The following MYO1E variants were observed in gnomAD, a reference collection of about 807,000 sequenced individuals.
The protein encoded by MYO1E is unconventional myosin-Ie.
MYO1E carries 68 observed loss-of-function variants against 151.1 expected under a neutral mutation model. The ratio of observed to expected loss-of-function variants is 0.45; its 90% confidence interval spans 0.37 to 0.55. The LOEUF is 0.55. Among genes scored for constraint, MYO1E ranks in the 20% least tolerant of loss-of-function variants. MYO1E has a pLI of 0.00. For missense variants in MYO1E, 1,363 were observed against 1,389.3 expected (o/e 0.98, Z 0.30); for synonymous variants, 601 against 501.7 (o/e 1.20, Z -2.64).
chr15:59,262,776 G>C (rs1596389998), intron 2 of MYO1E, among the ~76,000 whole-genome samples: 1 of 152,144 alleles, frequency 6.6e-6, no homozygotes, highest in African/African-American at 2.4e-5. Flanking sequence ...CTCTCAGAGA[G>C]GCTATGCTTA....
At chr15:59,272,207 A>G in intron 2 of MYO1E, 99 bp downstream of exon 2, 1 of 1,395,182 alleles carries the variant, frequency 7.2e-7, no homozygotes, top group Non-Finnish European at 1.0e-6. Context: ...AAGTGCTGGG[A>G]TTACACACGT....
At chr15:59,360,084 G>T (rs1173495979) in intron 1 of MYO1E, among the ~76,000 whole-genome samples, 1 of 152,150 alleles carries the variant, frequency 6.6e-6, no homozygotes, top group East Asian at 1.9e-4. Context: ...AGTTGTCAAC[G>T]GCTGAAGTTG....
intron 1 of MYO1E, among the ~76,000 whole-genome samples, chr15:59,334,939 T>G (rs1196562782): frequency 6.6e-6 from 1 of 152,170 alleles, no homozygotes; most frequent in African/African-American, 2.4e-5. Flanking sequence ...TCATAGAGAA[T>G]TGCCAAGCAG....
intron 26 of MYO1E, among the ~76,000 whole-genome samples, chr15:59,143,252 G>A (rs1362312915): frequency 6.6e-6 from 1 of 152,186 alleles, no homozygotes; most frequent in Non-Finnish European, 1.5e-5. Context: ...GCTGAATGGG[G>A]TTCCTAGTAA....
chr15:59,285,077 C>T (rs1175217647), intron 1 of MYO1E, among the ~76,000 whole-genome samples: 1 of 152,178 alleles, frequency 6.6e-6, no homozygotes, highest in East Asian at 1.9e-4. Flanking sequence ...GTGCAAAGCT[C>T]TTAGACATTC....
chr15:59,215,927 G>C (rs2079911071), intron 10 of MYO1E, among the ~76,000 whole-genome samples: 1 of 152,148 alleles, frequency 6.6e-6, no homozygotes, highest in Non-Finnish European at 1.5e-5. Flanking sequence ...GCTCAGGCCT[G>C]AAGTTCCCTT....
rs763406965 is a variant in MYO1E at position 59,214,290 on chromosome 15, T to C, written c.1213A>G (p.Ile405Val). ...TGCAGTTTTTCATTAACAAAATTGATACAAAACTGTTCAAAGCCATTTTTC... is the reference window on the plus strand; with the variant it reads ...TGCAGTTTTTCATTAACAAAATTGACACAAAACTGTTCAAAGCCATTTTTC... ...FQKNGFEQFC[I>V]NFVNEKLQQI... Residue 405 changes from isoleucine to valine, a missense_variant, in exon 12 of 28, where the codon ATC becomes GTC. Coordinates refer to ENST00000288235, the MANE Select transcript of MYO1E (RefSeq NM_004998.4). The C allele has an allele frequency of 9.3e-6, 15 of 1,611,822 alleles. 1 individual carries two copies. The highest frequency in any genetic ancestry group is 8.9e-5 in the East Asian group (4 of 44,832).
chr15:59,295,375 G>T (rs758848174), intron 1 of MYO1E, among the ~76,000 whole-genome samples: 3 of 152,068 alleles, frequency 2.0e-5, no homozygotes, highest in Non-Finnish European at 4.4e-5. Context: ...AGACCAACTG[G>T]ACTAGAAAGG....
rs1246706391 is a variant in MYO1E at position 59,208,746 on chromosome 15, T to G, written c.1465A>C (p.Ile489Leu). ...QTLLQKLQMQ[I>L]GSHEHFNSWN... ...CTGTTGAAGTGCTCATGACTCCCAA[T>G]CTGCATCTGAAGTTTCTGGAGCAGC... The change falls in exon 14 of 28, where the codon ATT becomes CTT. Residue 489 changes from isoleucine (I) to leucine (L), a missense_variant. By Grantham distance (5) the Ile-to-Leu change is conservative. Coordinates refer to ENST00000288235, the MANE Select transcript of MYO1E (RefSeq NM_004998.4). 14 of 1,614,090 alleles carry G rather than the reference T, an allele frequency of 8.7e-6. No individual in the cohort carries two copies. Among genetic ancestry groups the G allele is most frequent in the Non-Finnish European group, 1.2e-5 (14 of 1,180,028 alleles).
At chr15:59,231,826 G>A (rs1326423120) in intron 5 of MYO1E, 35 bp from the exon 6 acceptor site, 1 of 1,602,246 alleles carries the variant, frequency 6.2e-7, no homozygotes, top group Admixed American at 1.7e-5. Flanking sequence ...TTAGGAAGGT[G>A]TGAACACCTA....
intron 25 of MYO1E, among the ~76,000 whole-genome samples, chr15:59,156,072 G>C (rs766416980): frequency 2.0e-5 from 3 of 152,232 alleles, no homozygotes; most frequent in Non-Finnish European, 4.4e-5. Flanking sequence ...ACTCAGGCTG[G>C]AGTGCAGTGG....
chr15:59,336,679 C>A (rs2080730833), intron 1 of MYO1E, among the ~76,000 whole-genome samples: 1 of 152,004 alleles, frequency 6.6e-6, no homozygotes, highest in South Asian at 2.1e-4. Flanking sequence ...TATACACGTG[C>A]CATGATGGTT....
intron 6 of MYO1E, among the ~76,000 whole-genome samples, chr15:59,230,031 A>C (rs1287384791): frequency 6.6e-6 from 1 of 152,178 alleles, no homozygotes; most frequent in East Asian, 1.9e-4. Flanking sequence ...TGAACGATTA[A>C]AATTTTAATA....
chr15:59,353,862 A>AACAGGACAATAAC (rs1314739240), intron 1 of MYO1E, among the ~76,000 whole-genome samples: 2 of 152,220 alleles, frequency 1.3e-5, no homozygotes, highest in African/African-American at 2.4e-5. Flanking sequence ...TTGTCCTGTT[A>AACAGGACAATAAC]AATATCACCA....
chr15:59,203,032 C>T (rs2079811701), intron 15 of MYO1E, among the ~76,000 whole-genome samples: 1 of 152,182 alleles, frequency 6.6e-6, no homozygotes, highest in South Asian at 2.1e-4. Context: ...AGGCATGAGG[C>T]ACTGCGCCTG....
At chr15:59,307,714 C>G (rs2080523193) in intron 1 of MYO1E, among the ~76,000 whole-genome samples, 1 of 151,918 alleles carries the variant, frequency 6.6e-6, no homozygotes, top group Non-Finnish European at 1.5e-5. Flanking sequence ...GGGTTCAAGC[C>G]ATTCTCCTGT....
Position 59,224,727 on chromosome 15 carries a change from C to T in MYO1E, c.739G>A (p.Asp247Asn), listed in dbSNP as rs768244319. ...YLSLSGSYKV[D>N]DIDDRREFQE... ...AACTCCCGCCTGTCGTCAATGTCAT[C>T]AACCTTGTATGAGCCCGAGAGGCTC... The change falls in exon 8 of 28, where the codon GAT (aspartate) becomes AAT (asparagine). Residue 247 changes from aspartate to asparagine, a missense_variant. By Grantham distance (23) the Asp-to-Asn change is conservative. Coordinates refer to ENST00000288235, the MANE Select transcript of MYO1E (RefSeq NM_004998.4). 39 of 1,614,120 alleles carry T rather than the reference C, an allele frequency of 2.4e-5. No individual in the cohort carries two copies. Among genetic ancestry groups the T allele is most frequent in the Non-Finnish European group, 3.2e-5 (38 of 1,180,052 alleles).
At chr15:59,299,539 T>A (rs1395447601) in intron 1 of MYO1E, among the ~76,000 whole-genome samples, 8 of 152,234 alleles carry the variant, frequency 5.3e-5, no homozygotes, top group African/African-American at 1.9e-4. Context: ...ATTAATTACT[T>A]AAGTCTGCAT....
chr15:59,215,664 T>C (rs192291210), intron 10 of MYO1E, among the ~76,000 whole-genome samples: 50 of 152,264 alleles, frequency 3.3e-4, no homozygotes, highest in African/African-American at 1.2e-3. Context: ...TGAAATATCA[T>C]CTTTTGTGAG....
Sources: allele counts gnomAD v4.1 joint callset (sites outside exome capture counted in the v4.1 genomes callset), GRCh38; gene constraint gnomAD v4.1.1; transcripts MANE v1.5; gene names NCBI Gene and HGNC (gene_info 2026-07-23, HGNC 2026-07-21).